CCDC73: variants seen among roughly 807,000 people sequenced by gnomAD.
CCDC73 encodes the protein coiled-coil domain containing 73, also known as coiled-coil domain-containing protein 73.
In CCDC73, 95 loss-of-function variants were observed where a neutral mutation model predicts 116.5. That is an observed-to-expected ratio of 0.82 (90% CI 0.69 to 0.97). The LOEUF is 0.97. Ranked by LOEUF, CCDC73 falls within the 50% of genes least tolerant of loss-of-function variation. CCDC73 has a pLI of 0.00. For synonymous variants in CCDC73, 398 were observed against 401.3 expected (o/e 0.99, Z 0.10); for missense variants, 1,066 against 1,206.8 (o/e 0.88, Z 1.73).
At chr11:32,778,775 G>A (rs1850558182) in intron 1 of CCDC73, among the ~76,000 whole-genome samples, 1 of 152,012 alleles carries the variant, frequency 6.6e-6, no homozygotes, top group Admixed American at 6.6e-5. Context: ...CTCTAGCCTG[G>A]GGGACAAGAG....
chr11:32,757,292 G>C (rs968395303), intron 2 of CCDC73, among the ~76,000 whole-genome samples: 1 of 151,860 alleles, frequency 6.6e-6, no homozygotes, highest in Non-Finnish European at 1.5e-5. Context: ...GGATGAAAAG[G>C]GGTGAAGAAT....
chr11:32,636,509 C>G (rs1350757898), intron 13 of CCDC73, among the ~76,000 whole-genome samples: 1 of 151,992 alleles, frequency 6.6e-6, no homozygotes, highest in Non-Finnish European at 1.5e-5. Flanking sequence ...AAGGTAAGTT[C>G]CACTGAGGCG....
At chr11:32,765,215 A>G (rs576942140) in intron 1 of CCDC73, among the ~76,000 whole-genome samples, 6 of 152,324 alleles carry the variant, frequency 3.9e-5, no homozygotes, top group East Asian at 1.9e-4. Flanking sequence ...ATGAGACAGA[A>G]AGTTAAAAAG....
chr11:32,632,516 G>A (rs1035859792), intron 14 of CCDC73, among the ~76,000 whole-genome samples: 38 of 152,192 alleles, frequency 2.5e-4, no homozygotes, highest in Admixed American at 8.5e-4. Context: ...GTGAGCCACC[G>A]TGCCCGGCCG....
intron 6 of CCDC73, among the ~76,000 whole-genome samples, chr11:32,690,050 T>C (rs1323891689): frequency 2.0e-5 from 3 of 151,966 alleles, no homozygotes; most frequent in South Asian, 4.2e-4. Context: ...AGAAAGTATA[T>C]AAGGTATAAA....
At chr11:32,794,767 C>T (rs375610816), upstream of CCDC73, 2 of 152,312 alleles carry the variant, frequency 1.3e-5, no homozygotes, top group East Asian at 3.9e-4. Context: ...TTTTTAAATA[C>T]AAGCTTCGGA....
intron 1 of CCDC73, among the ~76,000 whole-genome samples, chr11:32,783,302 A>T (rs1262875470): frequency 1.3e-5 from 2 of 152,220 alleles, no homozygotes; most frequent in Non-Finnish European, 2.9e-5. Context: ...CCATGTCAAC[A>T]GTGAAGATAG....
chr11:32,641,908 T>C (rs1855736177), intron 13 of CCDC73, 64 bp downstream of exon 13: 1 of 1,147,774 alleles, frequency 8.7e-7, no homozygotes, highest in East Asian at 3.2e-5. Flanking sequence ...TTAGCATTTA[T>C]AGTTATTTTA....
In CCDC73 at chr11:32,602,781, T is replaced by C; in HGVS notation, c.*30A>G. On this transcript the variant is annotated 3_prime_UTR_variant, in exon 18 of 18. Coordinates refer to ENST00000335185, the MANE Select transcript of CCDC73 (RefSeq NM_001008391.4). Reference sequence around the variant, plus strand: ...AAACTATACCAGAATTTCAGTTACATAATTTCACTACTGAAAGCACTTATC... The same window carrying C: ...AAACTATACCAGAATTTCAGTTACACAATTTCACTACTGAAAGCACTTATC... 1.4e-6 allele frequency: 2 copies of C among 1,405,682 alleles called. No individual in the cohort carries two copies. Among genetic ancestry groups the C allele is most frequent in the Non-Finnish European group, 1.9e-6 (2 of 1,032,206 alleles). 87.1% of individuals were successfully genotyped at this position (1,405,682 alleles called of 1,614,324 possible).
At chr11:32,734,386 A>G (rs552057339) in intron 2 of CCDC73, among the ~76,000 whole-genome samples, 80 of 151,908 alleles carry the variant, frequency 5.3e-4, no homozygotes, top group African/African-American at 1.9e-3. Flanking sequence ...ATTCCAATCA[A>G]TAGAAAAAGA....
chr11:32,607,497 G>T (rs566776199), intron 17 of CCDC73, among the ~76,000 whole-genome samples: 1 of 152,350 alleles, frequency 6.6e-6, no homozygotes, highest in East Asian at 1.9e-4. Flanking sequence ...TTTCAAGTGA[G>T]ATGTGAAATT....
intron 1 of CCDC73, among the ~76,000 whole-genome samples, chr11:32,765,495 A>T (rs187597091): frequency 1.6e-3 from 247 of 152,320 alleles, no homozygotes; most frequent in African/African-American, 5.7e-3. Flanking sequence ...AAACTGAACA[A>T]CCTGCTCCTG....
In CCDC73 at chr11:32,614,764, G is replaced by A; in HGVS notation, c.1554C>T (p.Asp518=). ...NRKSVTTEIK[D]KICLEKDNGC... is the part of the protein sequence containing the mutation. The stretch of plus-strand genomic sequence containing the variant: ...CATTGTCTTTTTCCAAGCATATCTT[G>A]TCTTTTATTTCTGTAGTAACTGATT... Residue 518 remains aspartate, a synonymous_variant, in exon 16 of 18, where the codon GAC becomes GAT. Coordinates refer to ENST00000335185, the MANE Select transcript of CCDC73 (RefSeq NM_001008391.4). The A allele has an allele frequency of 1.9e-6, 3 of 1,612,974 alleles. No individual in the cohort carries two copies. The highest frequency in any genetic ancestry group is 2.2e-5 in the South Asian group (2 of 91,028).
intron 7 of CCDC73, chr11:32,681,272 AT>A (rs2133293161): frequency 6.6e-6 from 1 of 152,160 alleles, no homozygotes; most frequent in African/African-American, 2.4e-5. Context: ...AAATTCAATT[AT>A]TACCCAACAT....
At chr11:32,664,185 C>G (rs187327696) in intron 9 of CCDC73, among the ~76,000 whole-genome samples, 89 of 152,224 alleles carry the variant, frequency 5.8e-4, no homozygotes, top group Non-Finnish European at 2.2e-4. Context: ...CAGGATGATG[C>G]TGGCCTCATA....
chr11:32,711,671 C>G (rs971736628), intron 3 of CCDC73, among the ~76,000 whole-genome samples: 1 of 152,050 alleles, frequency 6.6e-6, no homozygotes, highest in African/African-American at 2.4e-5. Flanking sequence ...GTAGACTGTT[C>G]GGGTGATGGG....
At chr11:32,689,073 G>T (rs920035134) in intron 6 of CCDC73, among the ~76,000 whole-genome samples, 9 of 152,060 alleles carry the variant, frequency 5.9e-5, no homozygotes, top group Admixed American at 3.9e-4. Flanking sequence ...CTAATTCCAA[G>T]AAAGGAAGAC....
At chr11:32,725,989 T>C (rs191185045) in intron 2 of CCDC73, among the ~76,000 whole-genome samples, 45 of 152,264 alleles carry the variant, frequency 3.0e-4, no homozygotes, top group Admixed American at 4.6e-4. Flanking sequence ...AAAGTGGAAA[T>C]AAATTACTCC....
intron 9 of CCDC73, among the ~76,000 whole-genome samples, chr11:32,662,364 A>G (rs1234653646): frequency 6.6e-6 from 1 of 152,170 alleles, no homozygotes; most frequent in Non-Finnish European, 1.5e-5. Flanking sequence ...CTGACTTTTT[A>G]ATGATCGCCA....
Sources: gnomAD v4.1 joint callset for allele counts (sites outside exome capture counted in the v4.1 genomes callset) on GRCh38, gnomAD v4.1.1 for gene constraint, MANE v1.5 for transcripts, NCBI Gene and HGNC (gene_info 2026-07-23, HGNC 2026-07-21) for gene names.